Variants in DPP6 observed in about 807,000 individuals in gnomAD.
DPP6 encodes the protein A-type potassium channel modulatory protein DPP6.
Under a neutral mutation model 122.6 loss-of-function variants are expected in DPP6, and 69 were observed. That is an observed-to-expected ratio of 0.56 (90% confidence interval 0.46 to 0.69). The LOEUF (loss-of-function observed/expected upper bound fraction) is 0.69, where lower values mean the gene tolerates loss of function less well. DPP6 is among the 30% of genes least tolerant of loss of function. The pLI is 0.00. For missense variants in DPP6, 928 were observed against 1,116.9 expected (o/e 0.83, Z 2.41); for synonymous variants, 418 against 433.1 (o/e 0.97, Z 0.43).
chr7:154,248,332 G>A (rs867218050), intron 1 of DPP6, among the ~76,000 whole-genome samples: 1 of 152,152 alleles, frequency 6.6e-6, no homozygotes, highest in Non-Finnish European at 1.5e-5. Flanking sequence ...AGTCTTAGAC[G>A]TGAATTTCAC....
intron 1 of DPP6, among the ~76,000 whole-genome samples, chr7:153,922,183 G>A (rs1407172189): frequency 6.6e-6 from 1 of 150,976 alleles, no homozygotes; most frequent in Non-Finnish European, 1.5e-5. Context: ...ACCCAAGTGG[G>A]TGTACTTTTC....
intron 1 of DPP6, among the ~76,000 whole-genome samples, chr7:153,890,781 C>T (rs1386959759): frequency 6.8e-6 from 1 of 147,342 alleles, no homozygotes; most frequent in Non-Finnish European, 1.5e-5. Context: ...CACTCCTCCC[C>T]CAGGGTTCAA....
chr7:154,719,157 C>T (rs182743800), intron 7 of DPP6, among the ~76,000 whole-genome samples: 6 of 152,228 alleles, frequency 3.9e-5, no homozygotes, highest in Admixed American at 2.0e-4. Flanking sequence ...TCTTCAAACT[C>T]GAGTACAGAG....
chr7:153,766,532 A>C, the DPP6 span, among the ~76,000 whole-genome samples: 5 of 152,206 alleles, frequency 3.3e-5, no homozygotes, highest in Non-Finnish European at 7.3e-5. Context: ...CATGCTCAAT[A>C]AATGTTTATT....
chr7:154,720,267 G>T (rs745546402), intron 7 of DPP6, among the ~76,000 whole-genome samples: 36 of 152,178 alleles, frequency 2.4e-4, no homozygotes, highest in Admixed American at 2.2e-3. Context: ...AGAGCTTCCA[G>T]GCAGGGCGCC....
At chr7:154,141,102 T>G (rs3115138) in intron 1 of DPP6, among the ~76,000 whole-genome samples, 1 of 152,076 alleles carries the variant, frequency 6.6e-6, no homozygotes, top group African/African-American at 2.4e-5. Context: ...CATTGAAGAG[T>G]TGCCCAGAGA....
chr7:154,562,461 G>T (rs1308870969), intron 4 of DPP6, among the ~76,000 whole-genome samples: 1 of 151,974 alleles, frequency 6.6e-6, no homozygotes, highest in Admixed American at 6.6e-5. Flanking sequence ...CCTGATAAAA[G>T]ATATCTATTA....
intron 1 of DPP6, among the ~76,000 whole-genome samples, chr7:154,354,850 G>A (rs1015143372): frequency 1.3e-5 from 2 of 152,210 alleles, no homozygotes; most frequent in African/African-American, 4.8e-5. Context: ...ACTCTTGTAT[G>A]TTCAGTGCAT....
chr7:153,772,940 T>C, the DPP6 span, among the ~76,000 whole-genome samples: 25 of 139,208 alleles, frequency 1.8e-4, no homozygotes, highest in African/African-American at 6.5e-4. Context: ...GAAAAGACTT[T>C]TATATATTAT....
intron 1 of DPP6, among the ~76,000 whole-genome samples, chr7:154,208,722 A>G (rs1024443296): frequency 6.6e-6 from 1 of 152,170 alleles, no homozygotes. Context: ...AGTCAGGGAA[A>G]TAAGTTTTCA....
chr7:154,511,124 G>A (rs890888553), intron 3 of DPP6, among the ~76,000 whole-genome samples: 1 of 152,208 alleles, frequency 6.6e-6, no homozygotes, highest in South Asian at 2.1e-4. Context: ...GGAAGGGAGG[G>A]AAGATTGTTC....
chr7:154,335,631 G>A (rs1050065726), intron 1 of DPP6, among the ~76,000 whole-genome samples: 3 of 152,304 alleles, frequency 2.0e-5, no homozygotes, highest in East Asian at 1.9e-4. Flanking sequence ...GGATACTGTA[G>A]CACAAGATTG....
In DPP6 at chr7:154,727,793, C is replaced by G; in HGVS notation, c.789C>G (p.Tyr263Ter). 6.2e-7 allele frequency: 1 copy of G among 1,613,726 alleles called. No individual in the cohort carries two copies. Among genetic ancestry groups the G allele is most frequent in the Non-Finnish European group, 8.5e-7 (1 of 1,179,748 alleles). Residue 263 changes from tyrosine to a stop codon, truncating the protein, a stop_gained, in exon 8 of 26, where the codon TAC becomes TAG. Transcript: ENST00000377770. LOFTEE classifies it high-confidence loss of function. ...TATTTATTTTTGAAAACAATATCTA[C>G]TACTGTGCACATGTCGGGAAACAGG... ...QLIFIFENNI[Y>*]YCAHVGKQAI... is the part of the protein sequence containing the mutation.
chr7:154,112,792 TAA>T (rs1253537723), intron 1 of DPP6, among the ~76,000 whole-genome samples: 2 of 152,210 alleles, frequency 1.3e-5, no homozygotes, highest in East Asian at 1.9e-4. Context: ...CATAAATGTT[TAA>T]GTCTTGTTAA....
At chr7:153,749,735 G>A in the DPP6 span, among the ~76,000 whole-genome samples, 341 of 148,756 alleles carry the variant, frequency 2.3e-3, 1 homozygote, top group African/African-American at 7.8e-3. The surrounding 1 kb of genome is among the most constrained non-coding windows in gnomAD (Gnocchi z 4.1). Context: ...CGCCTCACCT[G>A]TCTGCCATTC....
At chr7:154,799,127 A>G (rs1378189821) in intron 12 of DPP6, among the ~76,000 whole-genome samples, 1 of 152,130 alleles carries the variant, frequency 6.6e-6, no homozygotes, top group Non-Finnish European at 1.5e-5. Flanking sequence ...GCTTAGGTCC[A>G]CCGATCTTCC....
chr7:154,135,240 C>T (rs1795487413), intron 1 of DPP6, among the ~76,000 whole-genome samples: 1 of 150,712 alleles, frequency 6.6e-6, no homozygotes, highest in Non-Finnish European at 1.5e-5. Context: ...GCCCATAGAT[C>T]CTATGTGTAT....
Position 154,278,852 on chromosome 7 carries a change from G to T in DPP6, c.244-167362G>T, listed in dbSNP as rs140426001. Among the ~76,000 whole-genome samples, 371 of 151,684 alleles carry T rather than the reference G, an allele frequency of 2.4e-3. 3 individuals are homozygous for T. Among genetic ancestry groups the T allele is most frequent in the African/African-American group, 8.7e-3 (358 of 41,162 alleles). ...TGTGTGGGAGTGGGGATGCACGTGT[G>T]TGTTTGGTGTGTGTATATGAGCATG... On this transcript the variant is annotated intron_variant, in intron 1 of 25. Coordinates refer to ENST00000377770, the MANE Select transcript of DPP6 (RefSeq NM_130797.4).
chr7:153,804,907 A>G, the DPP6 span, among the ~76,000 whole-genome samples: 5 of 152,088 alleles, frequency 3.3e-5, no homozygotes, highest in Non-Finnish European at 7.4e-5. Flanking sequence ...TTACCTTTGC[A>G]CCAACCTATT....
Sources: gnomAD v4.1 joint callset for allele counts (sites outside exome capture counted in the v4.1 genomes callset) on GRCh38, gnomAD v4.1.1 for gene constraint, Gnocchi (gnomAD v3.1) non-coding constraint, MANE v1.5 for transcripts, NCBI Gene and HGNC (gene_info 2026-07-23, HGNC 2026-07-21) for gene names.